The following PLCG2 variants were observed in gnomAD, a reference collection of about 807,000 sequenced individuals.
PLCG2 encodes 1-phosphatidylinositol 4,5-bisphosphate phosphodiesterase gamma-2.
PLCG2 carries 69 observed loss-of-function variants against 175.6 expected under a neutral mutation model. The observed-to-expected ratio is 0.39, with a 90% confidence interval of 0.32 to 0.48. The LOEUF is 0.48. Among genes scored for constraint, PLCG2 ranks in the 20% least tolerant of loss-of-function variants. The probability of loss-of-function intolerance (pLI) is 0.91; values close to 1 mark genes in which losing one functional copy is unlikely to be tolerated. For missense variants in PLCG2, 1,798 were observed against 1,650.9 expected (o/e 1.09, Z -1.54); for synonymous variants, 827 against 624.0 (o/e 1.33, Z -4.85).
At chr16:81,897,181 G>A (rs576707234) in intron 13 of PLCG2, among the ~76,000 whole-genome samples, 15 of 152,348 alleles carry the variant, frequency 9.8e-5, no homozygotes, top group Middle Eastern at 6.8e-3. Flanking sequence ...ATCATATGCC[G>A]ACTCCTGGTT....
chr16:81,747,663 C>T (rs1241023126), intron 1 of PLCG2, among the ~76,000 whole-genome samples: 1 of 151,976 alleles, frequency 6.6e-6, no homozygotes, highest in African/African-American at 2.4e-5. Context: ...TACCATGCAG[C>T]CATTTAAAAT....
intron 2 of PLCG2, among the ~76,000 whole-genome samples, chr16:81,805,767 G>GTTTTTGTTTTTTTTTTTTTT (rs1911983207): frequency 5.1e-5 from 2 of 39,520 alleles, no homozygotes; most frequent in African/African-American, 2.5e-4. Flanking sequence ...GTTTTGTTTT[G>GTTTTTGTTTTTTTTTTTTTT]TTTTTTTTTT....
At chr16:81,858,751 G>A (rs1906814852) in intron 4 of PLCG2, among the ~76,000 whole-genome samples, 1 of 152,220 alleles carries the variant, frequency 6.6e-6, no homozygotes, top group Non-Finnish European at 1.5e-5. Context: ...AAGACCTCAA[G>A]ACTGTCTCTT....
chr16:81,833,705 T>C (rs1905368278), intron 2 of PLCG2, among the ~76,000 whole-genome samples: 1 of 151,558 alleles, frequency 6.6e-6, no homozygotes, highest in African/African-American at 2.4e-5. Context: ...AATTATTATA[T>C]ATATTTTTTT....
rs186434917 is a variant in PLCG2, at chr16:81,932,657, C to T, written c.2739+1003C>T. Among the ~76,000 whole-genome samples, 4 of 152,302 alleles carry T rather than the reference C, an allele frequency of 2.6e-5. No individual in the cohort carries two copies. The East Asian group carries it at 5.8e-4, about 22-fold the overall frequency. On this transcript the variant is annotated intron_variant, in intron 25 of 32. Coordinates refer to ENST00000564138, the MANE Select transcript of PLCG2 (RefSeq NM_002661.5). ...TCACATCTTGGCCAGTCCCTGGTCA[C>T]GAGAGGATCCTTGACTCACTCAACT...
intron 5 of PLCG2, among the ~76,000 whole-genome samples, chr16:81,861,972 C>T (rs1907004169): frequency 2.0e-5 from 3 of 152,218 alleles, no homozygotes; most frequent in Non-Finnish European, 2.9e-5. Context: ...GGCTTCCTCT[C>T]CTCTACCTCC....
intron 1 of PLCG2, chr16:81,785,691 T>A (rs973358489): frequency 1.9e-5 from 5 of 263,458 alleles, no homozygotes; most frequent in African/African-American, 1.1e-4. Context: ...TCAGGGTGAT[T>A]TGGTTATTCA....
intron 30 of PLCG2, among the ~76,000 whole-genome samples, chr16:81,944,678 G>GTT (rs1036032612): frequency 3.9e-5 from 6 of 152,106 alleles, no homozygotes; most frequent in African/African-American, 1.4e-4. Context: ...GTCTTGCTAT[G>GTT]TTGCCTAGGC....
intron 30 of PLCG2, among the ~76,000 whole-genome samples, chr16:81,942,258 C>T (rs183581118): frequency 5.9e-5 from 9 of 152,314 alleles, no homozygotes; most frequent in East Asian, 1.9e-4. Flanking sequence ...GATAAAACCT[C>T]GTTACCTTAA....
chr16:81,787,421 G>A (rs1326078656), intron 2 of PLCG2, among the ~76,000 whole-genome samples: 20 of 26,578 alleles, frequency 7.5e-4, no homozygotes, highest in African/African-American at 3.7e-3. Context: ...TGTAGAGATG[G>A]GATCTCACTA....
intron 3 of PLCG2, among the ~76,000 whole-genome samples, chr16:81,857,738 A>G (rs913663460): frequency 7.9e-5 from 12 of 152,230 alleles, no homozygotes; most frequent in Non-Finnish European, 1.3e-4. Context: ...CTCAGGGGTT[A>G]GAGATTCAAC....
At chr16:81,917,347 C>T (rs1046509176) in intron 19 of PLCG2, among the ~76,000 whole-genome samples, 1 of 151,694 alleles carries the variant, frequency 6.6e-6, no homozygotes, top group African/African-American at 2.4e-5. Context: ...GTGAATGGTG[C>T]TATGAACATG....
chr16:81,803,888 GC>G (rs908596869), intron 2 of PLCG2, among the ~76,000 whole-genome samples: 3 of 152,066 alleles, frequency 2.0e-5, no homozygotes, highest in Non-Finnish European at 4.4e-5. Flanking sequence ...CACTATGTTG[GC>G]CAAGCTAGTC....
Position 81,958,051 on chromosome 16 carries a change from T to C in PLCG2, c.*53T>C. The C allele has an allele frequency of 2.3e-6, 3 of 1,312,954 alleles. No individual in the cohort carries two copies. Among genetic ancestry groups the C allele is most frequent in the East Asian group, 2.3e-5 (1 of 43,496 alleles). The allele number at this position is 1,312,954 out of a possible 1,614,324, so 81.3% of individuals were successfully genotyped here. ...GTGTGTGTGCGCATGTGTGTTTGCA[T>C]GTAGGAGAACGTGCCCTATTCACAC... On this transcript the variant is annotated 3_prime_UTR_variant, in exon 33 of 33. Coordinates refer to ENST00000564138, the MANE Select transcript of PLCG2 (RefSeq NM_002661.5).
chr16:81,742,832 C>G (rs1186540831), intron 1 of PLCG2, among the ~76,000 whole-genome samples: 1 of 152,226 alleles, frequency 6.6e-6, no homozygotes, highest in Non-Finnish European at 1.5e-5. Context: ...TCACAGGGCC[C>G]CTCGTCCTCC....
At chr16:81,807,148 C>G (rs919987819) in intron 2 of PLCG2, among the ~76,000 whole-genome samples, 1 of 152,184 alleles carries the variant, frequency 6.6e-6, no homozygotes, top group Non-Finnish European at 1.5e-5. Context: ...ACAGCAGAGG[C>G]TTATCTTGTT....
intron 2 of PLCG2, among the ~76,000 whole-genome samples, chr16:81,765,473 A>G (rs1370532901): frequency 6.6e-6 from 1 of 152,160 alleles, no homozygotes; most frequent in Non-Finnish European, 1.5e-5. Flanking sequence ...TCTACATAAA[A>G]TACAAAAATT....
intron 2 of PLCG2, among the ~76,000 whole-genome samples, chr16:81,837,911 A>G (rs1905609993): frequency 6.6e-6 from 1 of 152,136 alleles, no homozygotes; most frequent in South Asian, 2.1e-4. Context: ...AGTCTTATTC[A>G]GATTTTCCCC....
intron 2 of PLCG2, among the ~76,000 whole-genome samples, chr16:81,771,217 A>G (rs1011717561): frequency 3.9e-5 from 6 of 152,218 alleles, no homozygotes; most frequent in Non-Finnish European, 8.8e-5. Flanking sequence ...AGGCAGTGAG[A>G]TTCTCTATTC....
Sources: allele counts gnomAD v4.1 joint callset (sites outside exome capture counted in the v4.1 genomes callset), GRCh38; gene constraint gnomAD v4.1.1; transcripts MANE v1.5; gene names NCBI Gene and HGNC (gene_info 2026-07-23, HGNC 2026-07-21).